Variants in MYO3A observed in about 807,000 individuals in gnomAD.
MYO3A encodes myosin-IIIa.
MYO3A carries 180 observed loss-of-function variants against 192.7 expected under a neutral mutation model. The ratio of observed to expected loss-of-function variants is 0.93; its 90% CI spans 0.83 to 1.06. The LOEUF (loss-of-function observed/expected upper bound fraction) is 1.06, where lower values mean the gene tolerates loss of function less well. Ranked by LOEUF, MYO3A falls within the 50% of genes least tolerant of loss-of-function variation. The pLI, the probability that MYO3A is intolerant of heterozygous loss-of-function variation, is 0.00. For synonymous variants in MYO3A, 628 were observed against 645.3 expected, an observed-to-expected ratio of 0.97 and a Z score of 0.41; for missense variants, 1,896 against 1,905.0, an observed-to-expected ratio of 1.00 and a Z score of 0.09.
intron 29 of MYO3A, among the ~76,000 whole-genome samples, chr10:26,170,846 T>C (rs1842013599): frequency 1.3e-5 from 2 of 152,224 alleles, no homozygotes; most frequent in African/African-American, 4.8e-5. Context: ...AATGTATCCC[T>C]GGGCCCTCTC....
intron 4 of MYO3A, among the ~76,000 whole-genome samples, chr10:25,970,850 A>G (rs1176734404): frequency 6.6e-6 from 1 of 152,018 alleles, no homozygotes; most frequent in Non-Finnish European, 1.5e-5. Flanking sequence ...CTGGAAAGAC[A>G]TGAGTTGTAT....
intron 6 of MYO3A, among the ~76,000 whole-genome samples, chr10:26,011,752 A>G (rs914269227): frequency 6.6e-6 from 1 of 152,184 alleles, no homozygotes; most frequent in Non-Finnish European, 1.5e-5. Context: ...TTCCTCCCTA[A>G]ATCATTCTAT....
intron 17 of MYO3A, among the ~76,000 whole-genome samples, chr10:26,108,598 T>C (rs1048968951): frequency 2.6e-5 from 4 of 152,182 alleles, no homozygotes; most frequent in Non-Finnish European, 4.4e-5. Flanking sequence ...CTATCAGCAA[T>C]AACTTTAGTT....
intron 10 of MYO3A, among the ~76,000 whole-genome samples, chr10:26,045,634 C>T (rs1843598647): frequency 6.6e-6 from 1 of 152,102 alleles, no homozygotes; most frequent in African/African-American, 2.4e-5. Context: ...TGCTTTAGGT[C>T]TCAGAAGCAG....
intron 30 of MYO3A, among the ~76,000 whole-genome samples, chr10:26,176,113 T>C (rs532048253): frequency 6.6e-6 from 1 of 151,994 alleles, no homozygotes; most frequent in African/African-American, 2.4e-5. Flanking sequence ...GCTAACGTGG[T>C]GAAACCCTGT....
intron 2 of MYO3A, among the ~76,000 whole-genome samples, 174 bp downstream of exon 2, chr10:25,936,004 G>T (rs570947462): frequency 4.9e-4 from 75 of 152,110 alleles, no homozygotes; most frequent in African/African-American, 1.8e-3. Context: ...GATAACATGG[G>T]CTTTATGAAT....
intron 7 of MYO3A, among the ~76,000 whole-genome samples, chr10:26,018,159 A>G (rs1004285975): frequency 3.9e-5 from 6 of 151,964 alleles, no homozygotes; most frequent in Admixed American, 6.6e-5. Context: ...TGTCAGTTTT[A>G]TTATTAATAA....
chr10:26,172,070 A>T (rs1842074000), intron 29 of MYO3A, among the ~76,000 whole-genome samples: 1 of 152,218 alleles, frequency 6.6e-6, no homozygotes, highest in Admixed American at 6.5e-5. Flanking sequence ...TGGGAGGTGG[A>T]TGACAAAGTC....
intron 4 of MYO3A, among the ~76,000 whole-genome samples, chr10:25,988,939 C>CTTTTTTTTTTTTTTTTTTTT (rs56308717): frequency 1.6e-4 from 19 of 117,008 alleles, no homozygotes; most frequent in Non-Finnish European, 2.5e-4. Flanking sequence ...CCCTAAAACT[C>CTTTTTTTTTTTTTTTTTTTT]TTTTTTTTTT....
At chr10:25,940,714 A>C (rs1198750944) in intron 2 of MYO3A, among the ~76,000 whole-genome samples, 1 of 152,062 alleles carries the variant, frequency 6.6e-6, no homozygotes, top group African/African-American at 2.4e-5. Context: ...TGTTAATTTC[A>C]GATTAACAAT....
At chr10:26,152,379 G>A (rs1265356718) in intron 23 of MYO3A, among the ~76,000 whole-genome samples, 1 of 152,206 alleles carries the variant, frequency 6.6e-6, no homozygotes, top group East Asian at 1.9e-4. Flanking sequence ...GCTTGAAAGT[G>A]TTGAGCAGCT....
chr10:26,122,832 A>G (rs940364307), intron 18 of MYO3A, among the ~76,000 whole-genome samples: 1 of 152,222 alleles, frequency 6.6e-6, no homozygotes, highest in Non-Finnish European at 1.5e-5. Context: ...TATTGTGCTT[A>G]GCAATTTATC....
chr10:25,966,028 G>T (rs1441918297), intron 4 of MYO3A, among the ~76,000 whole-genome samples: 1 of 151,436 alleles, frequency 6.6e-6, no homozygotes, highest in Non-Finnish European at 1.5e-5. Context: ...TACTATGGGT[G>T]CTCACCAGAT....
At chr10:26,121,116 TATG>T (rs1838835047) in intron 18 of MYO3A, among the ~76,000 whole-genome samples, 1 of 151,688 alleles carries the variant, frequency 6.6e-6, no homozygotes, top group Non-Finnish European at 1.5e-5. Flanking sequence ...GAAAAAGAAT[TATG>T]TTATTGTCTT....
At chr10:26,179,366 G>A (rs1196609852) in intron 31 of MYO3A, among the ~76,000 whole-genome samples, 2 of 151,920 alleles carry the variant, frequency 1.3e-5, no homozygotes, top group African/African-American at 4.8e-5. Flanking sequence ...ACCTCCCAAA[G>A]TGCTGGGATT....
chr10:26,075,047 C>T (rs952916709), intron 14 of MYO3A, among the ~76,000 whole-genome samples: 18 of 151,890 alleles, frequency 1.2e-4, no homozygotes, highest in Non-Finnish European at 1.6e-4. Flanking sequence ...ATCAGTTGAC[C>T]GTAAATGTTT....
At chr10:26,112,099 T>C (rs1347024099) in intron 17 of MYO3A, among the ~76,000 whole-genome samples, 1 of 152,258 alleles carries the variant, frequency 6.6e-6, no homozygotes, top group African/African-American at 2.4e-5. Flanking sequence ...TTTACTAACA[T>C]TAAAATGAAA....
chr10:26,057,265 A>G (rs1362722668), intron 10 of MYO3A, among the ~76,000 whole-genome samples: 3 of 152,336 alleles, frequency 2.0e-5, no homozygotes, highest in Admixed American at 6.5e-5. Flanking sequence ...ACAACTTAGG[A>G]TGGTAGACTT....
In MYO3A at chr10:26,174,185, A is replaced by C. The variant is rs1842195804; in HGVS notation, c.3921A>C (p.Thr1307=). ...NANSMEKEKK[T]SVVTQRAPIC... is the part of the protein sequence containing the mutation. The stretch of plus-strand genomic sequence containing the variant: ...ACAGCATGGAAAAAGAAAAGAAGAC[A>C]TCTGTAGTTACCCAGCGTGCACCGA... The change falls in exon 30 of 35, where the codon ACA becomes ACC. Residue 1307 remains threonine, a synonymous_variant. Transcript: ENST00000642920. 1.1e-5 allele frequency: 18 copies of C among 1,614,244 alleles called. No homozygotes were observed. The highest frequency in any genetic ancestry group is 1.5e-5 in the Non-Finnish European group (18 of 1,180,040).
Sources: gnomAD v4.1 joint callset for allele counts (sites outside exome capture counted in the v4.1 genomes callset) on GRCh38, gnomAD v4.1.1 for gene constraint, MANE v1.5 for transcripts, NCBI Gene and HGNC (gene_info 2026-07-23, HGNC 2026-07-21) for gene names.